ANXA11: variants seen among roughly 807,000 people sequenced by gnomAD.
ANXA11 encodes the protein 56 kDa autoantigen.
In ANXA11, 57 loss-of-function variants were observed where a neutral mutation model predicts 64.7. The ratio of observed to expected loss-of-function variants is 0.88; its 90% CI spans 0.71 to 1.10. The LOEUF (loss-of-function observed/expected upper bound fraction) is 1.10. Ranked by LOEUF, ANXA11 falls within the 50% of genes least tolerant of loss-of-function variation. The pLI is 0.00. For missense variants in ANXA11, 675 were observed against 670.7 expected, an observed-to-expected ratio of 1.01 and a Z score of -0.07; for synonymous variants, 260 against 265.2, an observed-to-expected ratio of 0.98 and a Z score of 0.19.
In ANXA11 at chr10:80,155,417, C is replaced by T. The variant is rs140723641; in HGVS notation, c.*436G>A. ...CCTCCCTTTCTCTCCTCAGCGAGGA[C>T]ACGGTGCTTCACCCACCCAGTCGCC... On this transcript the variant is annotated 3_prime_UTR_variant, in exon 16 of 16. Transcript: ENST00000422982. 6.3e-4 allele frequency: 104 copies of T among 164,606 alleles called. No individual in the cohort carries two copies. Among genetic ancestry groups the T allele is most frequent in the African/African-American group, 2.2e-3 (93 of 41,892 alleles). The allele number at this position is 164,606 out of a possible 1,614,324, so 10.2% of individuals were successfully genotyped here.
intron 2 of ANXA11, among the ~76,000 whole-genome samples, chr10:80,175,254 T>C (rs1406281597): frequency 1.3e-5 from 2 of 152,138 alleles, no homozygotes; most frequent in African/African-American, 4.8e-5. Flanking sequence ...GGGATGTAAA[T>C]GACCAGTAGG....
upstream of ANXA11, chr10:80,205,697 C>T (rs1205988870): frequency 1.3e-5 from 2 of 152,342 alleles, no homozygotes; most frequent in African/African-American, 2.4e-5. Context: ...TCCGGAGGTC[C>T]CTCTGCCGCC....
rs1042868180 is a variant in ANXA11 at position 80,155,378 on chromosome 10, C to T, written c.*475G>A. 2 of 156,188 alleles carry T rather than the reference C, an allele frequency of 1.3e-5. No homozygotes were observed. The highest frequency in any genetic ancestry group is 2.8e-5 in the Non-Finnish European group (2 of 70,254). 9.7% of individuals were successfully genotyped at this position (156,188 alleles called of 1,614,324 possible). On this transcript the variant is annotated 3_prime_UTR_variant, in exon 16 of 16. Coordinates refer to ENST00000422982, the MANE Select transcript of ANXA11 (RefSeq NM_145868.2). The stretch of plus-strand genomic sequence containing the variant: ...ACACACTCACCAGATGCACAGGCTA[C>T]CTTCTCAGGCACGCCTCCCTTTCTC...
Position 80,178,215 on chromosome 10 carries a change from C to T in ANXA11, c.-57-2060G>A, listed in dbSNP as rs555931432. ...AGCTATAATCCAGAAGATCTGCTCT[C>T]TCTCTCTCTCTCTCTCTCTGGCATC... On this transcript the variant is annotated intron_variant, in intron 1 of 15. Coordinates refer to ENST00000422982, the MANE Select transcript of ANXA11 (RefSeq NM_145868.2). 4.9e-3 allele frequency among the ~76,000 whole-genome samples: 491 copies of T among 100,208 alleles called. 4 individuals carry two copies. The highest frequency in any genetic ancestry group is 0.017 in the African/African-American group (468 of 26,844). 65.7% of individuals were successfully genotyped at this position (100,208 alleles called of 152,430 possible). A position where few individuals can be genotyped will look rare whatever the true frequency, so the allele number is the denominator to read the frequency against.
intron 12 of ANXA11, among the ~76,000 whole-genome samples, chr10:80,161,194 C>T (rs1018119031): frequency 3.3e-5 from 5 of 152,218 alleles, no homozygotes; most frequent in Admixed American, 6.5e-5. Flanking sequence ...TCTCTGCCCT[C>T]ACCTCCCACT....
intron 9 of ANXA11, 131 bp from the exon 10 acceptor site, chr10:80,163,744 T>G: frequency 2.4e-6 from 2 of 832,318 alleles, no homozygotes; most frequent in Non-Finnish European, 3.9e-6. Context: ...AGAGAACAAA[T>G]AGCCCATATG....
At chr10:80,171,740 G>GA (rs1314469187) in intron 3 of ANXA11, 5 of 985,400 alleles carry the variant, frequency 5.1e-6, no homozygotes, top group Non-Finnish European at 6.0e-6. Flanking sequence ...GACCCTCCAG[G>GA]AAGAACCTTC....
chr10:80,202,228 G>A (rs1343700042), intron 1 of ANXA11, among the ~76,000 whole-genome samples: 1 of 152,046 alleles, frequency 6.6e-6, no homozygotes, highest in Admixed American at 6.5e-5. Flanking sequence ...GTGTGGCTGG[G>A]TGGCTTGTCC....
At chr10:80,201,787 C>A (rs1474050817) in intron 1 of ANXA11, among the ~76,000 whole-genome samples, 1 of 152,150 alleles carries the variant, frequency 6.6e-6, no homozygotes. Flanking sequence ...CGCACCCTTT[C>A]CCCCAGTGGT....
rs1845862054 is a variant in ANXA11, at chr10:80,169,073, G to T, written c.457C>A (p.Pro153Thr). ...AYPGQPPVTY[P>T]GQPPVPLPGQ... ...GGGAGTGGCACTGGAGGCTGACCAG[G>T]GTAGGTCACTGGTGGCTGCCCAGGG... The change falls in exon 5 of 16, where the codon CCT (proline) becomes ACT (threonine). Residue 153 changes from proline to threonine, a missense_variant. Physicochemically the swap from Pro to Thr is conservative, Grantham distance 38. Transcript: ENST00000422982. The T allele has an allele frequency of 6.5e-7, 1 of 1,537,684 alleles. No individual in the cohort carries two copies. Among genetic ancestry groups the T allele is most frequent in the Admixed American group, 2.2e-5 (1 of 45,668 alleles).
At position 80,191,698 on chromosome 10, in the gene ANXA11, T is replaced by C. The variant is rs535275604; in HGVS notation, c.-58+13645A>G. ...TGCTAACTTGAATTACCAATCAACATGAGTCACCAGGGGACTTGGGCCCTC... is the reference window on the plus strand; with the variant it reads ...TGCTAACTTGAATTACCAATCAACACGAGTCACCAGGGGACTTGGGCCCTC... On this transcript the variant is annotated intron_variant, in intron 1 of 15. Transcript: ENST00000422982. Among the ~76,000 whole-genome samples the C allele has an allele frequency of 3.5e-4, 53 of 152,310 alleles. 1 individual carries two copies. Among genetic ancestry groups the C allele is most frequent in the Admixed American group, 3.4e-3 (52 of 15,298 alleles).
At chr10:80,156,724 G>A (rs943638123) in intron 15 of ANXA11, among the ~76,000 whole-genome samples, 4 of 152,214 alleles carry the variant, frequency 2.6e-5, no homozygotes, top group Admixed American at 2.0e-4. Context: ...GGCTGGTCTC[G>A]AACTCCTGAC....
At chr10:80,177,098 G>A (rs369656806) in intron 1 of ANXA11, among the ~76,000 whole-genome samples, 93 of 151,428 alleles carry the variant, frequency 6.1e-4, no homozygotes, top group East Asian at 1.8e-3. Flanking sequence ...TCCTGCCCTA[G>A]CCTCCCAAGT....
chr10:80,164,195 C>G (rs745601592), intron 8 of ANXA11, 52 bp from the exon 9 acceptor site: 1 of 1,487,238 alleles, frequency 6.7e-7, no homozygotes, highest in South Asian at 1.1e-5. Flanking sequence ...GCAGCCTCAC[C>G]AGCACTCGGG....
rs569869907 is a variant in ANXA11 at position 80,184,705 on chromosome 10, T to C, written c.-57-8550A>G. Among the ~76,000 whole-genome samples the C allele has an allele frequency of 3.9e-5, 6 of 152,248 alleles. No homozygotes were observed. In the East Asian group the frequency reaches 1.2e-3, roughly 29 times the overall value. ...ATTCACCTTAGGAAGAGTATGAGCT[T>C]GGAATGCTTGAGGGGGCACTTGTCA... is the stretch of plus-strand genomic sequence containing the variant. On this transcript the variant is annotated intron_variant, in intron 1 of 15. Transcript: ENST00000422982.
intron 12 of ANXA11, among the ~76,000 whole-genome samples, chr10:80,161,565 C>A (rs1425971954): frequency 2.0e-5 from 3 of 152,240 alleles, no homozygotes; most frequent in Admixed American, 1.3e-4. Context: ...TGCGGGAGCG[C>A]GATTTACATC....
At position 80,167,818 on chromosome 10, in the gene ANXA11, T is replaced by C. The variant is rs775758930; in HGVS notation, c.562-505A>G. Among the ~76,000 whole-genome samples, 174 of 152,338 alleles carry C rather than the reference T, an allele frequency of 1.1e-3. 2 individuals carry two copies. Among genetic ancestry groups the C allele is most frequent in the Non-Finnish European group, 2.0e-3 (138 of 68,020 alleles). On this transcript the variant is annotated intron_variant, in intron 5 of 15. Coordinates refer to ENST00000422982, the MANE Select transcript of ANXA11 (RefSeq NM_145868.2). ...TGATCTAGCACTGGTTCCCTCGCAC[T>C]GTTCTCTAGACTAGCATCTGCCGGA...
chr10:80,177,190 T>A (rs760315000), intron 1 of ANXA11, among the ~76,000 whole-genome samples: 63 of 152,226 alleles, frequency 4.1e-4, no homozygotes, highest in Non-Finnish European at 7.1e-4. Flanking sequence ...AGTTTCACTA[T>A]GTTGGCCAGG....
At chr10:80,170,409 C>A (rs559244175) in intron 4 of ANXA11, among the ~76,000 whole-genome samples, 16 of 152,330 alleles carry the variant, frequency 1.1e-4, no homozygotes, top group African/African-American at 3.9e-4. Flanking sequence ...CACACACCCA[C>A]CAAGGCCTAA....
Sources: gnomAD v4.1 joint callset for allele counts (sites outside exome capture counted in the v4.1 genomes callset) on GRCh38, gnomAD v4.1.1 for gene constraint, MANE v1.5 for transcripts, NCBI Gene and HGNC (gene_info 2026-07-23, HGNC 2026-07-21) for gene names.